EPN2: variants seen among roughly 807,000 people sequenced by gnomAD.
The protein encoded by EPN2 is epsin-2.
A neutral mutation model predicts 61.7 loss-of-function variants in EPN2; 34 were observed. The observed-to-expected ratio is 0.55, with a 90% confidence interval of 0.42 to 0.73. EPN2 has a LOEUF of 0.73. Among genes scored for constraint, EPN2 ranks in the 30% least tolerant of loss-of-function variants. The pLI is 0.00. For missense variants in EPN2, 714 were observed against 839.2 expected, an observed-to-expected ratio of 0.85 and a Z score of 1.84; for synonymous variants, 349 against 353.6, an observed-to-expected ratio of 0.99 and a Z score of 0.15.
Position 19,328,139 on chromosome 17 carries a change from T to G in EPN2, c.1148-572T>G, listed in dbSNP as rs558560003. On this transcript the variant is annotated intron_variant, in intron 7 of 10. Transcript: ENST00000314728. ...TTGTCACTCCCTGTTTGAAAGTGTT[T>G]TATTGCTTAAGTTGGGTGGTAAGTA... 2.0e-5 allele frequency among the ~76,000 whole-genome samples: 3 copies of G among 152,346 alleles called. No individual in the cohort carries two copies. The East Asian group carries it at 5.8e-4, about 29-fold the overall frequency.
At chr17:19,252,024 C>T (rs1350819396) in intron 1 of EPN2, among the ~76,000 whole-genome samples, 1 of 151,930 alleles carries the variant, frequency 6.6e-6, no homozygotes, top group Non-Finnish European at 1.5e-5. Flanking sequence ...GATTGTGACC[C>T]CGTTGCATGA....
At chr17:19,273,532 A>C (rs975273949) in intron 1 of EPN2, among the ~76,000 whole-genome samples, 10 of 152,184 alleles carry the variant, frequency 6.6e-5, no homozygotes, top group African/African-American at 2.4e-4. Context: ...ATTAAAAAAA[A>C]AACTATTCAT....
intron 7 of EPN2, among the ~76,000 whole-genome samples, chr17:19,314,973 G>A (rs564235246): frequency 6.6e-6 from 1 of 152,190 alleles, no homozygotes; most frequent in African/African-American, 2.4e-5. Context: ...TTAAACTGTC[G>A]GATAGTTGTC....
intron 4 of EPN2, among the ~76,000 whole-genome samples, chr17:19,309,030 A>G (rs922483222): frequency 3.3e-5 from 5 of 151,804 alleles, no homozygotes; most frequent in African/African-American, 1.2e-4. Flanking sequence ...ATTTCTTTCT[A>G]ATCAGTGTAC....
At chr17:19,313,645 A>G in intron 7 of EPN2, 1 of 233,234 alleles carries the variant, frequency 4.3e-6, no homozygotes, top group Non-Finnish European at 8.3e-6. Flanking sequence ...GGAACATCCA[A>G]ATCAAGCTGC....
chr17:19,265,470 A>G (rs1813129310), intron 1 of EPN2, among the ~76,000 whole-genome samples: 1 of 152,094 alleles, frequency 6.6e-6, no homozygotes, highest in African/African-American at 2.4e-5. Context: ...AGGTGAAGAC[A>G]CTTCCCAAGC....
chr17:19,317,134 G>A (rs1314411765), intron 7 of EPN2, among the ~76,000 whole-genome samples: 2 of 152,242 alleles, frequency 1.3e-5, no homozygotes, highest in African/African-American at 4.8e-5. Context: ...CCCTCTGGAT[G>A]AAAGAAACAC....
chr17:19,279,675 T>C (rs552189458), intron 1 of EPN2, among the ~76,000 whole-genome samples: 12 of 151,894 alleles, frequency 7.9e-5, no homozygotes, highest in Non-Finnish European at 1.6e-4. Flanking sequence ...GACCTTGTGA[T>C]CCACCTGCCT....
At chr17:19,252,364 A>G (rs556121093) in intron 1 of EPN2, among the ~76,000 whole-genome samples, 3 of 152,184 alleles carry the variant, frequency 2.0e-5, no homozygotes. Flanking sequence ...ATTAATGATA[A>G]AGATCTTTGG....
At chr17:19,315,259 A>G (rs1906331687) in intron 7 of EPN2, among the ~76,000 whole-genome samples, 2 of 152,194 alleles carry the variant, frequency 1.3e-5, no homozygotes, top group African/African-American at 2.4e-5. Flanking sequence ...GGGCCGAGCC[A>G]AGGACCTGAC....
At chr17:19,286,682 T>C (rs1397925793) in intron 4 of EPN2, among the ~76,000 whole-genome samples, 1 of 152,242 alleles carries the variant, frequency 6.6e-6, no homozygotes, top group Non-Finnish European at 1.5e-5. Flanking sequence ...AGTTCATTCA[T>C]GCCTCATTAA....
intron 7 of EPN2, among the ~76,000 whole-genome samples, chr17:19,328,438 AC>A (rs1906999171): frequency 6.6e-6 from 1 of 151,910 alleles, no homozygotes; most frequent in Admixed American, 6.6e-5. Context: ...CTTGGAGAGA[AC>A]CTCTTTCAGC....
At position 19,331,865 on chromosome 17, in the gene EPN2, CCT is replaced by C; in HGVS notation, c.1429_1430del (p.Leu477AlafsTer11). 1 of 1,614,100 alleles carries C rather than the reference CCT, an allele frequency of 6.2e-7. No individual in the cohort carries two copies. The highest frequency in any genetic ancestry group is 8.5e-7 in the Non-Finnish European group (1 of 1,179,952). On this transcript the variant is annotated frameshift_variant, in exon 10 of 11. Transcript: ENST00000314728. LOFTEE classifies it high-confidence loss of function. ...CCTTGTCTTGTAGCCGAATCTGTGA[CCT>C]CTCTGCCATCCCAAAACAATGGAAC...
intron 4 of EPN2, among the ~76,000 whole-genome samples, chr17:19,301,476 G>C (rs1185488452): frequency 6.6e-6 from 1 of 152,098 alleles, no homozygotes; most frequent in Non-Finnish European, 1.5e-5. Context: ...TCATACATAG[G>C]ATCCCAATTA....
At chr17:19,325,667 G>T (rs1006969944) in intron 7 of EPN2, among the ~76,000 whole-genome samples, 1 of 152,144 alleles carries the variant, frequency 6.6e-6, no homozygotes, top group Non-Finnish European at 1.5e-5. Context: ...AACATCAAGA[G>T]CAAGACAAGG....
At chr17:19,302,902 G>A (rs1001838369) in intron 4 of EPN2, among the ~76,000 whole-genome samples, 1 of 152,198 alleles carries the variant, frequency 6.6e-6, no homozygotes, top group African/African-American at 2.4e-5. Flanking sequence ...ACACTGGGCT[G>A]CTCTCTCAGG....
chr17:19,330,230 G>C (rs1328022629), intron 9 of EPN2, among the ~76,000 whole-genome samples: 1 of 152,188 alleles, frequency 6.6e-6, no homozygotes, highest in Non-Finnish European at 1.5e-5. Flanking sequence ...CACACACCCT[G>C]TTTGGACTGG....
chr17:19,329,260 G>A, intron 8 of EPN2: 1 of 444,982 alleles, frequency 2.2e-6, no homozygotes, highest in Non-Finnish European at 4.0e-6. Context: ...ACCAGACCCA[G>A]CTTGATGCAC....
intron 4 of EPN2, chr17:19,307,795 C>T (rs1905923543): frequency 1.8e-6 from 1 of 566,438 alleles, no homozygotes; most frequent in Non-Finnish European, 2.2e-6. Flanking sequence ...CAGCCTCTTT[C>T]TACCTCCCCT....
Sources: gnomAD v4.1 joint callset for allele counts (sites outside exome capture counted in the v4.1 genomes callset) on GRCh38, gnomAD v4.1.1 for gene constraint, MANE v1.5 for transcripts, NCBI Gene and HGNC (gene_info 2026-07-23, HGNC 2026-07-21) for gene names.